The following MYL3 variants were observed in gnomAD, a reference collection of about 807,000 sequenced individuals.
MYL3 encodes the protein CMLC1.
Under a neutral mutation model 21.3 loss-of-function variants are expected in MYL3, and 11 were observed. The ratio of observed to expected loss-of-function variants is 0.52; its 90% confidence interval spans 0.32 to 0.85. The LOEUF is 0.85. MYL3 is among the 40% of genes least tolerant of loss of function. The pLI, the probability that MYL3 is intolerant of heterozygous loss-of-function variation, is 0.03. For missense variants in MYL3, 206 were observed against 253.3 expected (o/e 0.81, Z 1.27); for synonymous variants, 88 against 91.6 (o/e 0.96, Z 0.22).
Position 46,861,081 on chromosome 3 carries a change from G to A in MYL3, c.130-94C>T. The A allele has an allele frequency of 7.1e-7, 1 of 1,410,648 alleles. No individual in the cohort carries two copies. The highest frequency in any genetic ancestry group is 1.7e-5 in the Admixed American group (1 of 57,532). The allele number at this position is 1,410,648 out of a possible 1,614,324, so 87.4% of individuals were successfully genotyped here. A position where few individuals can be genotyped will look rare whatever the true frequency, so the allele number is the denominator to read the frequency against. On this transcript the variant is annotated intron_variant, in intron 1 of 6. Coordinates refer to ENST00000292327, the MANE Select transcript of MYL3 (RefSeq NM_000258.3). This position sits in a 1 kb window ranked among gnomAD's most constrained non-coding sequence, Gnocchi z 4.2. ...CGGTGGCCAGCCCAGAATGTCAACT[G>A]TCTCAGCCTGTCCCATTCCAGCATC...
At position 46,860,109 on chromosome 3, in the gene MYL3, A is replaced by G. The variant is rs1265238047; in HGVS notation, c.308-461T>C. On this transcript the variant is annotated intron_variant, in intron 3 of 6. Coordinates refer to ENST00000292327, the MANE Select transcript of MYL3 (RefSeq NM_000258.3). This position sits in a 1 kb window ranked among gnomAD's most constrained non-coding sequence, Gnocchi z 4.6. ...TTTTTTTAGCTTTAAAATTTTATTC[A>G]TTTATGTATTTATTCATTCATTTAT... is the stretch of plus-strand genomic sequence containing the variant. 6.7e-6 allele frequency among the ~76,000 whole-genome samples: 1 copy of G among 148,236 alleles called. No individual in the cohort carries two copies. The highest frequency in any genetic ancestry group is 1.5e-5 in the Non-Finnish European group (1 of 67,194).
chr3:46,858,802 G>C (rs888502783), intron 4 of MYL3, among the ~76,000 whole-genome samples: 3 of 152,160 alleles, frequency 2.0e-5, no homozygotes, highest in Non-Finnish European at 2.9e-5. Flanking sequence ...TCTTGGGAGA[G>C]GGTGGTGGAG....
rs1468679585 is a variant in MYL3 at position 46,861,375 on chromosome 3, G to A, written c.130-388C>T. Among the ~76,000 whole-genome samples the A allele has an allele frequency of 6.6e-6, 1 of 152,236 alleles. No homozygotes were observed. The highest frequency in any genetic ancestry group is 2.4e-5 in the African/African-American group (1 of 41,456). On this transcript the variant is annotated intron_variant, in intron 1 of 6. Transcript: ENST00000292327. This position sits in a 1 kb window ranked among gnomAD's most constrained non-coding sequence, Gnocchi z 4.2. Reference sequence around the variant, plus strand: ...GCTGGCTTTGCTTGGGGCCTGGTGGGCAGGACTGTCAGCAAAAGTGAGATG... The same window carrying A: ...GCTGGCTTTGCTTGGGGCCTGGTGGACAGGACTGTCAGCAAAAGTGAGATG...
intron 1 of MYL3, among the ~76,000 whole-genome samples, chr3:46,863,054 G>T (rs1314923111): frequency 4.6e-5 from 7 of 152,246 alleles, no homozygotes; most frequent in Admixed American, 4.6e-4. Context: ...CAGCACCAGA[G>T]GAGTCCTGCA....
chr3:46,870,315 G>C lies in MYL3; in HGVS notation c.-217-3715C>G, dbSNP rs371849341. On this transcript the variant is annotated intron_variant, in intron 1 of 3. Coordinates refer to the MYL3 transcript ENST00000431168. ...GGTGGGCATGGGCACCTGGACAGAG[G>C]GACAGGATGACAGATGAAGAAGGCA... 5.9e-5 allele frequency among the ~76,000 whole-genome samples: 9 copies of C among 152,270 alleles called. No individual in the cohort carries two copies. In the East Asian group the frequency reaches 1.7e-3, roughly 29 times the overall value.
At position 46,874,833 on chromosome 3, in the gene MYL3, C is replaced by T. The variant is rs1323257393; in HGVS notation, c.-218+7241G>A. Among the ~76,000 whole-genome samples, 3 of 152,206 alleles carry T rather than the reference C, an allele frequency of 2.0e-5. No homozygotes were observed. Among genetic ancestry groups the T allele is most frequent in the Non-Finnish European group, 4.4e-5 (3 of 68,038 alleles). ...CAGAAGGCGTCTGGGAAACAGGACC[C>T]GCTTTGGACCCCCAACCAGTGTCCC... On this transcript the variant is annotated intron_variant, in intron 1 of 3. Transcript: ENST00000431168. The surrounding 1 kb of genome is among the most constrained non-coding windows in gnomAD (Gnocchi z 4.1).
At chr3:46,858,354 C>T (rs1701954439) in intron 5 of MYL3, 30 bp downstream of exon 5, 2 of 1,613,992 alleles carry the variant, frequency 1.2e-6, no homozygotes, top group African/African-American at 1.3e-5. Context: ...CACTCCCCTC[C>T]CAGAAGACCC....
intron 4 of MYL3, among the ~76,000 whole-genome samples, chr3:46,858,741 T>C (rs529312570): frequency 6.6e-6 from 1 of 152,128 alleles, no homozygotes; most frequent in South Asian, 2.1e-4. Flanking sequence ...AGCAGTCCCT[T>C]GGGGCAGCCC....
upstream of MYL3, chr3:46,863,448 T>C: frequency 6.3e-7 from 1 of 1,596,422 alleles, no homozygotes; most frequent in South Asian, 1.1e-5. Context: ...GCAGGGTAGG[T>C]GAGCCGCCTC....
Position 46,859,662 on chromosome 3 carries a change from G to T in MYL3, c.308-14C>A, listed in dbSNP as rs1701969613. 1.2e-6 allele frequency: 2 copies of T among 1,614,004 alleles called. No individual in the cohort carries two copies. Among genetic ancestry groups the T allele is most frequent in the South Asian group, 1.1e-5 (1 of 91,084 alleles). ...TGGTATTGAGCTCTGCAGAGAAATGGTCCCAGGTTCCAGGGTCTAAGGCTG... is the reference window on the plus strand; with the variant it reads ...TGGTATTGAGCTCTGCAGAGAAATGTTCCCAGGTTCCAGGGTCTAAGGCTG... On this transcript the variant is annotated splice_polypyrimidine_tract_variant and intron_variant, in intron 3 of 6. Coordinates refer to ENST00000292327, the MANE Select transcript of MYL3 (RefSeq NM_000258.3). The surrounding 1 kb of genome is among the most constrained non-coding windows in gnomAD (Gnocchi z 4.1).
chr3:46,876,998 G>A (rs2030255967), intron 1 of MYL3, among the ~76,000 whole-genome samples: 1 of 152,156 alleles, frequency 6.6e-6, no homozygotes, highest in South Asian at 2.1e-4. Context: ...ACAGAGAGAA[G>A]TCATCCTGTC....
rs1317347936 is a variant in MYL3 at position 46,874,657 on chromosome 3, C to T, written c.-218+7417G>A. On this transcript the variant is annotated intron_variant, in intron 1 of 3. Coordinates refer to the MYL3 transcript ENST00000431168. This position sits in a 1 kb window ranked among gnomAD's most constrained non-coding sequence, Gnocchi z 4.1. ...TCTTAAAGGTTATAAATAGCAGCAGCGGGAGCCCATGCAGGGAGAGGCGGA... is the reference window on the plus strand; with the variant it reads ...TCTTAAAGGTTATAAATAGCAGCAGTGGGAGCCCATGCAGGGAGAGGCGGA... Among the ~76,000 whole-genome samples the T allele has an allele frequency of 3.3e-5, 5 of 152,286 alleles. No homozygotes were observed. Among genetic ancestry groups the T allele is most frequent in the East Asian group, 3.9e-4 (2 of 5,188 alleles).
chr3:46,869,124 C>A lies in MYL3; in HGVS notation c.-217-2524G>T, dbSNP rs1409124180. Among the ~76,000 whole-genome samples, 4 of 152,348 alleles carry A rather than the reference C, an allele frequency of 2.6e-5. 1 individual carries two copies. The highest frequency in any genetic ancestry group is 2.4e-5 in the African/African-American group (1 of 41,582). ...TTCCGGACAGGGGCCCGGCCCCTCC[C>A]CCCACAGCATGGCCTGTGGCCTCCC... On this transcript the variant is annotated intron_variant, in intron 1 of 3. Coordinates refer to the MYL3 transcript ENST00000431168.
At chr3:46,873,496 C>A (rs2030022077) in intron 1 of MYL3, among the ~76,000 whole-genome samples, 1 of 152,184 alleles carries the variant, frequency 6.6e-6, no homozygotes, top group Non-Finnish European at 1.5e-5. Context: ...TCCTTGCCCC[C>A]CTCCACCCCC....
chr3:46,872,877 T>C (rs1360869815), intron 1 of MYL3, among the ~76,000 whole-genome samples: 1 of 152,196 alleles, frequency 6.6e-6, no homozygotes, highest in Non-Finnish European at 1.5e-5. Flanking sequence ...AAGGGATCTG[T>C]CTCTGATCCT....
chr3:46,875,839 T>C (rs1272976722), intron 1 of MYL3, among the ~76,000 whole-genome samples: 1 of 152,170 alleles, frequency 6.6e-6, no homozygotes, highest in Non-Finnish European at 1.5e-5. Flanking sequence ...GGTCTCCCAA[T>C]GAATGGGAGC....
At chr3:46,862,791 G>C (rs148553169) in intron 1 of MYL3, among the ~76,000 whole-genome samples, 2 of 152,162 alleles carry the variant, frequency 1.3e-5, no homozygotes, top group African/African-American at 4.8e-5. Context: ...CTCTGGGCTC[G>C]GTGATTTGAA....
chr3:46,871,236 C>T (rs1466450659), intron 1 of MYL3, among the ~76,000 whole-genome samples: 1 of 152,098 alleles, frequency 6.6e-6, no homozygotes, highest in African/African-American at 2.4e-5. Flanking sequence ...ACCAGGCCTG[C>T]CTGGCACGGT....
rs533243785 is a variant in MYL3, at chr3:46,860,591, G to A, written c.307+85C>T. 117 of 1,568,462 alleles carry A rather than the reference G, an allele frequency of 7.5e-5. 1 individual carries two copies. In the South Asian group the frequency reaches 7.6e-4, roughly 10 times the overall value. On this transcript the variant is annotated intron_variant, in intron 3 of 6. Coordinates refer to ENST00000292327, the MANE Select transcript of MYL3 (RefSeq NM_000258.3). The surrounding 1 kb of genome is among the most constrained non-coding windows in gnomAD (Gnocchi z 4.6). ...ATGCGAGATGTCAGGAAAGATTCTC[G>A]TGCTATCCCGCAGGATGGATGGCAG...
Sources: gnomAD v4.1 joint callset for allele counts (sites outside exome capture counted in the v4.1 genomes callset) on GRCh38, gnomAD v4.1.1 for gene constraint, Gnocchi (gnomAD v3.1) non-coding constraint, MANE v1.5 for transcripts, NCBI Gene and HGNC (gene_info 2026-07-23, HGNC 2026-07-21) for gene names.